HDAC9: variants seen among roughly 807,000 people sequenced by gnomAD.
The protein encoded by HDAC9 is MEF-2 interacting transcription repressor (MITR) protein.
A neutral mutation model predicts 139.4 loss-of-function variants in HDAC9; 41 were observed. That is an observed-to-expected ratio of 0.29 (90% confidence interval 0.23 to 0.38). HDAC9 has a LOEUF of 0.38. Ranked by LOEUF, HDAC9 falls within the 10% of genes least tolerant of loss-of-function variation. The pLI is 1.00. For missense variants in HDAC9, 1,147 were observed against 1,297.0 expected (o/e 0.88, Z 1.78); for synonymous variants, 517 against 476.2 (o/e 1.09, Z -1.12).
At chr7:18,793,279 C>A (rs1006074569) in intron 16 of HDAC9, 66 bp from the exon 17 acceptor site, 19 of 1,140,694 alleles carry the variant, frequency 1.7e-5, no homozygotes, top group Non-Finnish European at 2.3e-5. Context: ...CCTTTTACCC[C>A]TTTCATCTCT....
intron 1 of HDAC9, among the ~76,000 whole-genome samples, chr7:18,489,348 T>C (rs1796199726): frequency 6.6e-6 from 1 of 152,056 alleles, no homozygotes; most frequent in East Asian, 1.9e-4. Context: ...CTTTTCAACA[T>C]TTTAATAATC....
At chr7:18,237,341 A>G (rs1041078374) in intron 2 of HDAC9, among the ~76,000 whole-genome samples, 1 of 152,232 alleles carries the variant, frequency 6.6e-6, no homozygotes, top group Non-Finnish European at 1.5e-5. Context: ...TACCAACTGC[A>G]ATTTATTAAA....
At chr7:18,633,082 CA>C (rs1782831159) in intron 7 of HDAC9, among the ~76,000 whole-genome samples, 1 of 151,814 alleles carries the variant, frequency 6.6e-6, no homozygotes, top group Non-Finnish European at 1.5e-5. Context: ...AATTCTGCCC[CA>C]AAATGACATA....
chr7:18,686,990 A>T (rs1782320258), intron 12 of HDAC9, among the ~76,000 whole-genome samples: 1 of 151,922 alleles, frequency 6.6e-6, no homozygotes, highest in Non-Finnish European at 1.5e-5. Flanking sequence ...CATATATAAA[A>T]TTATTAGATA....
At chr7:18,329,975 T>TTG (rs1166467746) in intron 1 of HDAC9, among the ~76,000 whole-genome samples, 17 of 87,306 alleles carry the variant, frequency 1.9e-4, no homozygotes, top group Admixed American at 4.2e-4. Flanking sequence ...ATTCTAAGGC[T>TTG]TGTGTGTATG....
At chr7:18,341,372 A>G (rs1307127585) in intron 1 of HDAC9, among the ~76,000 whole-genome samples, 1 of 151,752 alleles carries the variant, frequency 6.6e-6, no homozygotes, top group Non-Finnish European at 1.5e-5. Context: ...CTTCAAATAT[A>G]TGTAACTTAA....
At chr7:18,683,844 T>G (rs934783333) in intron 12 of HDAC9, among the ~76,000 whole-genome samples, 4 of 152,058 alleles carry the variant, frequency 2.6e-5, no homozygotes, top group African/African-American at 9.7e-5. Flanking sequence ...TATGATATGC[T>G]TCCATTTTTC....
Position 18,991,393 on chromosome 7 carries a change from T to C in HDAC9, c.3171-4630T>C, listed in dbSNP as rs192901702. ...CAGTGGCTCATGCCTGTAATCCCAGTGCTTTGGGAGGCCGAGGCGGGCAGA... is the reference window on the plus strand; with the variant it reads ...CAGTGGCTCATGCCTGTAATCCCAGCGCTTTGGGAGGCCGAGGCGGGCAGA... On this transcript the variant is annotated intron_variant, in intron 25 of 25. Transcript: ENST00000686413. Among the ~76,000 whole-genome samples the C allele has an allele frequency of 9.3e-3, 1,419 of 152,262 alleles. 25 individuals are homozygous for C. The highest frequency in any genetic ancestry group is 0.032 in the African/African-American group (1,321 of 41,554).
At chr7:18,454,591 A>G (rs979469556) in intron 1 of HDAC9, among the ~76,000 whole-genome samples, 3 of 152,056 alleles carry the variant, frequency 2.0e-5, no homozygotes, top group East Asian at 3.9e-4. Context: ...ACTTAGAAAC[A>G]TACATCATTA....
chr7:18,496,406 C>G (rs1396690671), intron 2 of HDAC9, 82 bp downstream of exon 2: 4 of 1,246,882 alleles, frequency 3.2e-6, no homozygotes, highest in African/African-American at 1.5e-5. Flanking sequence ...AAGCACCTCT[C>G]TTAAGGAAAT....
chr7:18,599,342 C>G (rs905220914), intron 6 of HDAC9, among the ~76,000 whole-genome samples: 2 of 152,124 alleles, frequency 1.3e-5, no homozygotes, highest in Non-Finnish European at 2.9e-5. Flanking sequence ...TTAAGGTTTA[C>G]TCTGTGTTGT....
At position 18,534,721 on chromosome 7, in the gene HDAC9, A is replaced by T. The variant is rs930448671; in HGVS notation, c.22+38397A>T. On this transcript the variant is annotated intron_variant, in intron 2 of 25. Coordinates refer to ENST00000686413, the MANE Select transcript of HDAC9 (RefSeq NM_178425.4). ...GTAGATGGGTGAGTGTGCTTTGTGG[A>T]ACTGCACTCGATCCACCACTGTGCA... is the stretch of plus-strand genomic sequence containing the variant. Among the ~76,000 whole-genome samples the T allele has an allele frequency of 3.3e-5, 5 of 152,218 alleles. No individual in the cohort carries two copies. The East Asian group carries it at 7.7e-4, about 23-fold the overall frequency.
intron 1 of HDAC9, among the ~76,000 whole-genome samples, chr7:18,476,106 A>C (rs1795093249): frequency 6.6e-6 from 1 of 152,210 alleles, no homozygotes; most frequent in Admixed American, 6.5e-5. Context: ...TTATAGTCTT[A>C]AACTTCAATT....
At chr7:18,840,557 A>G (rs935088921) in intron 21 of HDAC9, among the ~76,000 whole-genome samples, 2 of 152,056 alleles carry the variant, frequency 1.3e-5, no homozygotes, top group African/African-American at 2.4e-5. Flanking sequence ...TGTAGGTAGT[A>G]TCTGTATTTA....
At chr7:18,946,036 CAAAAAAAAAAAAAAAA>C (rs1171055959) in intron 23 of HDAC9, among the ~76,000 whole-genome samples, 33 of 38,272 alleles carry the variant, frequency 8.6e-4, no homozygotes, top group South Asian at 3.7e-3. Context: ...GACTCCGTCT[CAAAAAAAAAAAAAAAA>C]AAAAAAAAAA....
chr7:18,984,676 G>A (rs1785187816), intron 25 of HDAC9, among the ~76,000 whole-genome samples: 1 of 152,162 alleles, frequency 6.6e-6, no homozygotes, highest in Admixed American at 6.6e-5. Context: ...AATGAAATGG[G>A]AGAGAAAGAA....
intron 1 of HDAC9, among the ~76,000 whole-genome samples, chr7:18,344,601 C>T (rs1418445660): frequency 6.6e-6 from 1 of 151,758 alleles, no homozygotes; most frequent in African/African-American, 2.4e-5. Context: ...TCTTTGCATC[C>T]CAAATTACCA....
intron 12 of HDAC9, among the ~76,000 whole-genome samples, chr7:18,699,570 CTATTTATT>C (rs550262182): frequency 1.3e-4 from 20 of 152,178 alleles, no homozygotes; most frequent in Middle Eastern, 3.4e-3. Context: ...ACAATTCCAT[CTATTTATT>C]TATTTATATA....
chr7:18,614,920 C>T (rs551749949), intron 6 of HDAC9, among the ~76,000 whole-genome samples: 133 of 152,278 alleles, frequency 8.7e-4, no homozygotes, highest in Non-Finnish European at 1.5e-3. Flanking sequence ...AAGCTTTAAA[C>T]TTGCTGTTGA....
Sources: gnomAD v4.1 joint callset for allele counts (sites outside exome capture counted in the v4.1 genomes callset) on GRCh38, gnomAD v4.1.1 for gene constraint, MANE v1.5 for transcripts, NCBI Gene and HGNC (gene_info 2026-07-23, HGNC 2026-07-21) for gene names.